RTL4: variants seen among roughly 807,000 people sequenced by gnomAD.
RTL4 encodes retrotransposon Gag-like protein 4.
In RTL4, 4 loss-of-function variants were observed where a neutral mutation model predicts 5.3. The observed-to-expected ratio is 0.75, with a 90% CI of 0.37 to 1.72. The LOEUF is 1.72. Ranked by LOEUF, RTL4 falls within the 40% of genes most tolerant of loss-of-function variation. The pLI, the probability that RTL4 is intolerant of heterozygous loss-of-function variation, is 0.04. For missense variants in RTL4, 260 were observed against 227.1 expected, an observed-to-expected ratio of 1.14 and a Z score of -0.93; for synonymous variants, 98 against 87.3, an observed-to-expected ratio of 1.12 and a Z score of -0.68.
chrX:112,144,320 A>C, the RTL4 span, among the ~76,000 whole-genome samples: 2 of 111,601 alleles, frequency 1.8e-5, no homozygotes, highest in Non-Finnish European at 3.8e-5. Flanking sequence ...CTGCTGGTTA[A>C]AGCAGTGGTT....
At chrX:112,189,918 C>T in the RTL4 span, among the ~76,000 whole-genome samples, 2 of 111,508 alleles carry the variant, frequency 1.8e-5, no homozygotes, top group Non-Finnish European at 3.8e-5. Flanking sequence ...CAAAACAGAC[C>T]TTGAGAAATT....
At chrX:112,292,512 T>A in the RTL4 span, among the ~76,000 whole-genome samples, 1 of 111,806 alleles carries the variant, frequency 8.9e-6, no homozygotes, top group South Asian at 3.8e-4. Context: ...ATAAGCAAAA[T>A]TCTGAATATA....
the RTL4 span, among the ~76,000 whole-genome samples, chrX:112,383,331 G>GA: frequency 9.0e-6 from 1 of 111,530 alleles, no homozygotes; most frequent in Admixed American, 9.5e-5. Context: ...TCCTCTATGG[G>GA]AAAATAGGAT....
the RTL4 span, among the ~76,000 whole-genome samples, chrX:112,120,786 C>T: frequency 9.0e-6 from 1 of 111,245 alleles, no homozygotes; most frequent in African/African-American, 3.3e-5. Flanking sequence ...CTTTTCCTGC[C>T]GCATAAAGAC....
At chrX:112,421,741 G>A in the RTL4 span, among the ~76,000 whole-genome samples, 1 of 112,027 alleles carries the variant, frequency 8.9e-6, no homozygotes, top group African/African-American at 3.2e-5. Flanking sequence ...AGTTGATGAT[G>A]TTCTTCAGTT....
chrX:112,306,922 C>G, the RTL4 span, among the ~76,000 whole-genome samples: 13 of 111,782 alleles, frequency 1.2e-4, no homozygotes, highest in African/African-American at 4.2e-4. Flanking sequence ...AGGAGCTTGT[C>G]CTTAGCACTT....
the RTL4 span, among the ~76,000 whole-genome samples, chrX:112,136,929 ATCT>A: frequency 8.9e-6 from 1 of 111,911 alleles, no homozygotes; most frequent in Admixed American, 9.5e-5. Flanking sequence ...CATAAGGAAA[ATCT>A]TCTTGACATT....
At chrX:112,244,799 T>C in the RTL4 span, among the ~76,000 whole-genome samples, 1 of 111,976 alleles carries the variant, frequency 8.9e-6, no homozygotes, top group African/African-American at 3.2e-5. Flanking sequence ...TCGATGGTCT[T>C]TCCAATTTGG....
the RTL4 span, among the ~76,000 whole-genome samples, chrX:112,178,520 G>T: frequency 8.9e-6 from 1 of 111,756 alleles, no homozygotes; most frequent in East Asian, 2.8e-4. Flanking sequence ...TGAGTGAAGG[G>T]TGTTTGTGAA....
the RTL4 span, among the ~76,000 whole-genome samples, chrX:112,229,148 T>C: frequency 8.9e-6 from 1 of 112,261 alleles, no homozygotes; most frequent in African/African-American, 3.2e-5. Flanking sequence ...TGTTTTATTA[T>C]GTTCCTCCTG....
At chrX:112,236,460 T>A in the RTL4 span, among the ~76,000 whole-genome samples, 1 of 80,634 alleles carries the variant, frequency 1.2e-5, no homozygotes, top group Non-Finnish European at 2.3e-5. Context: ...TAGATATAGA[T>A]CTATATCTAT....
the RTL4 span, among the ~76,000 whole-genome samples, chrX:112,114,598 G>C: frequency 9.0e-6 from 1 of 111,459 alleles, no homozygotes; most frequent in African/African-American, 3.3e-5. Flanking sequence ...CCCTGGTTGG[G>C]CCAAATTCCC....
chrX:112,115,646 C>G, the RTL4 span, among the ~76,000 whole-genome samples: 1 of 111,875 alleles, frequency 8.9e-6, no homozygotes, highest in African/African-American at 3.2e-5. Flanking sequence ...TGCCCCCACC[C>G]CCCCGACAGG....
the RTL4 span, among the ~76,000 whole-genome samples, chrX:112,437,993 T>C: frequency 9.0e-6 from 1 of 111,184 alleles, no homozygotes; most frequent in Non-Finnish European, 1.9e-5. Flanking sequence ...AGCAGTTAGG[T>C]GCCCATTTTG....
chrX:112,308,360 A>G, the RTL4 span, among the ~76,000 whole-genome samples: 1 of 111,692 alleles, frequency 9.0e-6, no homozygotes, highest in African/African-American at 3.3e-5. Flanking sequence ...CACTACCCTA[A>G]TGAATAAGGA....
chrX:112,385,821 C>T, the RTL4 span, among the ~76,000 whole-genome samples: 1 of 111,834 alleles, frequency 8.9e-6, no homozygotes, highest in South Asian at 3.7e-4. Context: ...AATTTTGCTC[C>T]AGATTATGAA....
the RTL4 span, among the ~76,000 whole-genome samples, chrX:112,316,060 T>G: frequency 8.9e-6 from 1 of 112,268 alleles, no homozygotes; most frequent in African/African-American, 3.2e-5. Flanking sequence ...CCACCTGCAG[T>G]GGAGAAGGGT....
At chrX:112,284,292 G>GA in the RTL4 span, among the ~76,000 whole-genome samples, 131 of 105,716 alleles carry the variant, frequency 1.2e-3, no homozygotes, top group African/African-American at 4.3e-3. Context: ...TGATATATGT[G>GA]AAAAAAAAAA....
At chrX:112,288,746 A>G in the RTL4 span, among the ~76,000 whole-genome samples, 1 of 111,691 alleles carries the variant, frequency 9.0e-6, no homozygotes, top group East Asian at 2.8e-4. Flanking sequence ...ACCATCTGTA[A>G]TATTGCTGGT....
Sources: allele counts gnomAD v4.1 joint callset (sites outside exome capture counted in the v4.1 genomes callset), GRCh38; gene constraint gnomAD v4.1.1; transcripts MANE v1.5; gene names NCBI Gene and HGNC (gene_info 2026-07-23, HGNC 2026-07-21).